The following MFHAS1 variants were observed in gnomAD, a reference collection of about 807,000 sequenced individuals.
MFHAS1 encodes the protein multifunctional ROCO family signaling regulator 1.
MFHAS1 carries 50 observed loss-of-function variants against 70.4 expected under a neutral mutation model. The ratio of observed to expected loss-of-function variants is 0.71; its 90% confidence interval spans 0.57 to 0.90. The LOEUF (loss-of-function observed/expected upper bound fraction) is 0.90, where lower values mean the gene tolerates loss of function less well. Ranked by LOEUF, MFHAS1 falls within the 40% of genes least tolerant of loss-of-function variation. The pLI, the probability that MFHAS1 is intolerant of heterozygous loss-of-function variation, is 0.00. For missense variants in MFHAS1, 1,795 were observed against 1,347.6 expected, an observed-to-expected ratio of 1.33 and a Z score of -5.20; for synonymous variants, 952 against 620.0, an observed-to-expected ratio of 1.54 and a Z score of -7.96.
chr8:8,888,852 G>C (rs1378219795), intron 1 of MFHAS1, among the ~76,000 whole-genome samples: 1 of 152,034 alleles, frequency 6.6e-6, no homozygotes, highest in Non-Finnish European at 1.5e-5. Context: ...ATGACCTTTG[G>C]CTGGTACTGA....
At chr8:8,842,987 C>T (rs183006805) in intron 1 of MFHAS1, among the ~76,000 whole-genome samples, 55 of 152,278 alleles carry the variant, frequency 3.6e-4, no homozygotes, top group African/African-American at 1.0e-3. Context: ...CGAAAGAGGC[C>T]GGGCGCGGTG....
At chr8:8,851,873 G>A (rs186629920) in intron 1 of MFHAS1, among the ~76,000 whole-genome samples, 4 of 152,282 alleles carry the variant, frequency 2.6e-5, no homozygotes, top group East Asian at 1.9e-4. Flanking sequence ...CTTGAAAAGC[G>A]ATCACAGTGT....
chr8:8,885,738 C>G (rs1809727340), intron 1 of MFHAS1, among the ~76,000 whole-genome samples: 1 of 152,250 alleles, frequency 6.6e-6, no homozygotes, highest in African/African-American at 2.4e-5. Flanking sequence ...GAGCCAGGGT[C>G]TTGCCCTGTC....
At chr8:8,794,714 C>A (rs985919659) in intron 2 of MFHAS1, among the ~76,000 whole-genome samples, 1 of 152,064 alleles carries the variant, frequency 6.6e-6, no homozygotes, top group Non-Finnish European at 1.5e-5. Flanking sequence ...GCAAAGCTGT[C>A]ATCCATTTCA....
intron 1 of MFHAS1, among the ~76,000 whole-genome samples, chr8:8,883,314 G>A (rs527529549): frequency 2.4e-4 from 36 of 152,304 alleles, no homozygotes; most frequent in Non-Finnish European, 4.1e-4. Context: ...GGGCAGTACT[G>A]GGCCTGCACC....
In MFHAS1 at chr8:8,811,372, A is replaced by G. The variant is rs142948526; in HGVS notation, c.2999-13881T>C. Among the ~76,000 whole-genome samples the G allele has an allele frequency of 7.1e-3, 1,075 of 152,104 alleles. 14 individuals carry two copies. The highest frequency in any genetic ancestry group is 0.025 in the African/African-American group (1,028 of 41,456). ...ACCCAGGCTGGAGTACAGTGGCGCA[A>G]TCATAGCTCACTGCAGTCTCAGCAT... On this transcript the variant is annotated intron_variant, in intron 1 of 2. Coordinates refer to ENST00000276282, the MANE Select transcript of MFHAS1 (RefSeq NM_004225.3).
intron 1 of MFHAS1, among the ~76,000 whole-genome samples, chr8:8,839,682 T>C (rs192253350): frequency 2.0e-5 from 3 of 152,246 alleles, no homozygotes; most frequent in African/African-American, 4.8e-5. Context: ...GAGAGCAGTA[T>C]TATTTATTCC....
intron 2 of MFHAS1, among the ~76,000 whole-genome samples, chr8:8,795,916 A>G (rs766921579): frequency 3.3e-5 from 5 of 152,188 alleles, no homozygotes; most frequent in African/African-American, 7.2e-5. Flanking sequence ...GCTAGGAAGA[A>G]AGAGTCGAGT....
intron 1 of MFHAS1, among the ~76,000 whole-genome samples, chr8:8,824,219 G>A (rs1807069905): frequency 6.6e-6 from 1 of 151,850 alleles, no homozygotes; most frequent in Admixed American, 6.6e-5. Context: ...CAGGGGCTCT[G>A]CGGGGAGCAG....
intron 1 of MFHAS1, chr8:8,859,848 G>C (rs1236335351): frequency 6.6e-6 from 1 of 152,154 alleles, no homozygotes; most frequent in African/African-American, 2.4e-5. Flanking sequence ...ACTGAATGGG[G>C]GGTCGGTGCC....
intron 2 of MFHAS1, chr8:8,790,278 G>C: frequency 1.5e-6 from 1 of 666,982 alleles, no homozygotes; most frequent in South Asian, 6.8e-5. Flanking sequence ...GTCCTCAAGA[G>C]GGCCTTACCT....
intron 1 of MFHAS1, among the ~76,000 whole-genome samples, chr8:8,823,229 T>A (rs1040716575): frequency 2.6e-5 from 4 of 152,232 alleles, no homozygotes; most frequent in Admixed American, 2.0e-4. Context: ...TAAATGTTTA[T>A]TTGCAAGTTA....
intron 1 of MFHAS1, among the ~76,000 whole-genome samples, chr8:8,884,217 C>T (rs988346890): frequency 6.6e-6 from 1 of 152,108 alleles, no homozygotes; most frequent in Admixed American, 6.6e-5. Context: ...ACTCCAAAGG[C>T]CTTTCTAGCC....
rs1563225518 is a variant in MFHAS1, at chr8:8,891,683, T to C, written c.1376A>G (p.Glu459Gly). 1.2e-6 allele frequency: 2 copies of C among 1,613,542 alleles called. No individual in the cohort carries two copies. Among genetic ancestry groups the C allele is most frequent in the Non-Finnish European group, 1.7e-6 (2 of 1,180,004 alleles). Residue 459 changes from glutamate to glycine, a missense_variant, in exon 1 of 3, where the codon GAG becomes GGG. Physicochemically the swap from Glu to Gly is moderately conservative, Grantham distance 98. Coordinates refer to ENST00000276282, the MANE Select transcript of MFHAS1 (RefSeq NM_004225.3). The surrounding 1 kb of genome is among the most constrained non-coding windows in gnomAD (Gnocchi z 5.4). ...GGCATCGGCCGTCCAGCTGGTCACC[T>C]CGATGCCCTTGCTCACAGGGGGAGG... Reference protein sequence around the residue: ...PSPPPVSKGIEVTSWTADASR... With the variant: ...PSPPPVSKGIGVTSWTADASR...
intron 2 of MFHAS1, among the ~76,000 whole-genome samples, chr8:8,792,972 A>G (rs1190329264): frequency 1.3e-5 from 2 of 152,240 alleles, no homozygotes; most frequent in African/African-American, 4.8e-5. Flanking sequence ...AGATATTCAA[A>G]GCATGGAAAT....
At chr8:8,794,480 T>C (rs1177283529) in intron 2 of MFHAS1, among the ~76,000 whole-genome samples, 4 of 152,190 alleles carry the variant, frequency 2.6e-5, no homozygotes, top group Non-Finnish European at 4.4e-5. Context: ...CATGTGTTCA[T>C]GGATGTAAAC....
rs139777122 is a variant in MFHAS1 at position 8,827,626 on chromosome 8, T to C, written c.2999-30135A>G. Among the ~76,000 whole-genome samples the C allele has an allele frequency of 5.8e-3, 890 of 152,376 alleles. 9 individuals carry two copies. The highest frequency in any genetic ancestry group is 0.02 in the African/African-American group (828 of 41,598). ...TTCTTTCCATGTGAAAGGAATTAGCTCTGACACATAGGCTGCAAATATTTT... is the reference window on the plus strand; with the variant it reads ...TTCTTTCCATGTGAAAGGAATTAGCCCTGACACATAGGCTGCAAATATTTT... On this transcript the variant is annotated intron_variant, in intron 1 of 2. Transcript: ENST00000276282.
intron 1 of MFHAS1, among the ~76,000 whole-genome samples, chr8:8,821,027 GC>G (rs1262134642): frequency 6.6e-6 from 1 of 152,190 alleles, no homozygotes; most frequent in Non-Finnish European, 1.5e-5. Context: ...AGAGATGACA[GC>G]CTACGTGAGT....
rs541907170 is a variant in MFHAS1 at position 8,798,973 on chromosome 8, G to A, written c.2999-1482C>T. ...TGAGGCAGGTGAATCGCTTGAACCC[G>A]GAAGGCAGAGGTTCCAGTGAGCCCA... On this transcript the variant is annotated intron_variant, in intron 1 of 2. Coordinates refer to ENST00000276282, the MANE Select transcript of MFHAS1 (RefSeq NM_004225.3). Among the ~76,000 whole-genome samples, 13 of 152,020 alleles carry A rather than the reference G, an allele frequency of 8.6e-5. No homozygotes were observed. The South Asian group carries it at 1.2e-3, about 15-fold the overall frequency.
Sources: allele counts gnomAD v4.1 joint callset (sites outside exome capture counted in the v4.1 genomes callset), GRCh38; gene constraint gnomAD v4.1.1; non-coding constraint Gnocchi (gnomAD v3.1); transcripts MANE v1.5; gene names NCBI Gene and HGNC (gene_info 2026-07-23, HGNC 2026-07-21).